ZMYND8: variants seen among roughly 807,000 people sequenced by gnomAD.
ZMYND8 encodes zinc finger MYND-type containing 8, also known as MYND-type zinc finger-containing chromatin reader ZMYND8.
In ZMYND8, 37 loss-of-function variants were observed where a neutral mutation model predicts 140.8. The observed-to-expected ratio is 0.26, with a 90% CI of 0.20 to 0.35. The LOEUF is 0.35. Among genes scored for constraint, ZMYND8 ranks in the 10% least tolerant of loss-of-function variants. The pLI, the probability that ZMYND8 is intolerant of heterozygous loss-of-function variation, is 1.00. For missense variants in ZMYND8, 1,068 were observed against 1,570.0 expected, an observed-to-expected ratio of 0.68 and a Z score of 5.40; for synonymous variants, 592 against 597.1, an observed-to-expected ratio of 0.99 and a Z score of 0.12.
rs781309709 is a variant in ZMYND8, at chr20:47,283,553, A to G, written c.882+18T>C. 9.9e-6 allele frequency: 16 copies of G among 1,613,958 alleles called. No individual in the cohort carries two copies. In the South Asian group the frequency reaches 1.3e-4, roughly 13 times the overall value. ...ACAGGGTTCAGTAAATGAAATAAGC[A>G]AAGTAAATCCAACTTACACAAGGCT... On this transcript the variant is annotated intron_variant, in intron 9 of 22. Transcript: ENST00000471951.
chr20:47,344,450 C>G (rs1396275095), intron 2 of ZMYND8, among the ~76,000 whole-genome samples: 1 of 152,046 alleles, frequency 6.6e-6, no homozygotes, highest in Non-Finnish European at 1.5e-5. Flanking sequence ...TACAAAATAC[C>G]CGACCAGTAT....
chr20:47,324,201 C>CA (rs60339000), intron 2 of ZMYND8, among the ~76,000 whole-genome samples: 18,280 of 66,332 alleles, frequency 0.28, 2,664 homozygotes, highest in African/African-American at 0.46. Flanking sequence ...GACTCTGTCT[C>CA]AAAAAAAAAA....
chr20:47,315,602 T>C (rs1299300943), intron 2 of ZMYND8, among the ~76,000 whole-genome samples: 3 of 152,152 alleles, frequency 2.0e-5, no homozygotes, highest in Admixed American at 2.0e-4. Context: ...ACTGTAGCCG[T>C]GGTACCCAGG....
intron 1 of ZMYND8, chr20:47,348,591 C>T (rs978116896): frequency 1.3e-5 from 2 of 152,438 alleles, no homozygotes; most frequent in East Asian, 3.9e-4. Context: ...TGAGTTGTGA[C>T]TAATTATCCC....
At chr20:47,293,044 C>T (rs755016135) in intron 5 of ZMYND8, among the ~76,000 whole-genome samples, 8 of 143,764 alleles carry the variant, frequency 5.6e-5, no homozygotes, top group Non-Finnish European at 1.2e-4. Flanking sequence ...AACAAAGCAA[C>T]AGTCTGCCTC....
Position 47,313,437 on chromosome 20 carries a change from A to C in ZMYND8, c.86-3233T>G, listed in dbSNP as rs565867786. 2.2e-4 allele frequency among the ~76,000 whole-genome samples: 34 copies of C among 152,024 alleles called. No individual in the cohort carries two copies. In the East Asian group the frequency reaches 6.2e-3, roughly 28 times the overall value. On this transcript the variant is annotated intron_variant, in intron 2 of 22. Coordinates refer to ENST00000471951, the MANE Select transcript of ZMYND8 (RefSeq NM_001281775.3). ...GGAGATCGAGACCATCCTGGCTAAC[A>C]TGGTGAAACCCCGTCTCTACCAAAA...
At position 47,339,506 on chromosome 20, in the gene ZMYND8, T is replaced by C. The variant is rs145181378; in HGVS notation, c.85+8350A>G. Among the ~76,000 whole-genome samples, 881 of 152,228 alleles carry C rather than the reference T, an allele frequency of 5.8e-3. 7 individuals are homozygous for C. Among genetic ancestry groups the C allele is most frequent in the African/African-American group, 0.02 (849 of 41,538 alleles). On this transcript the variant is annotated intron_variant, in intron 2 of 22. Transcript: ENST00000471951. Reference sequence around the variant, plus strand: ...AACCATTCTTTTTTGAGACGGAGTCTCACTCTGTCGCCCAGGCTGGAGTGC... The same window carrying C: ...AACCATTCTTTTTTGAGACGGAGTCCCACTCTGTCGCCCAGGCTGGAGTGC...
intron 12 of ZMYND8, among the ~76,000 whole-genome samples, chr20:47,260,039 G>A (rs1322378064): frequency 6.6e-6 from 1 of 152,066 alleles, no homozygotes; most frequent in Non-Finnish European, 1.5e-5. Flanking sequence ...TAGACCCTTG[G>A]CTTCTCCTGC....
At chr20:47,275,210 G>A (rs2076184457) in intron 11 of ZMYND8, among the ~76,000 whole-genome samples, 1 of 152,124 alleles carries the variant, frequency 6.6e-6, no homozygotes, top group African/African-American at 2.4e-5. Flanking sequence ...TCAGACTTTG[G>A]GCCAGGCCCA....
intron 2 of ZMYND8, among the ~76,000 whole-genome samples, chr20:47,338,295 G>A (rs1043245032): frequency 3.3e-5 from 5 of 152,022 alleles, no homozygotes; most frequent in African/African-American, 1.2e-4. Context: ...TCCCACCAAT[G>A]CAGTGGGAGC....
intron 22 of ZMYND8, among the ~76,000 whole-genome samples, chr20:47,211,656 GACTGGAGAAACCTTC>G (rs1042561306): frequency 3.3e-5 from 5 of 152,210 alleles, no homozygotes; most frequent in African/African-American, 1.2e-4. Context: ...CTAGATGGCT[GACTGGAGAAACCTTC>G]CAGCCAAGCC....
At position 47,291,178 on chromosome 20, in the gene ZMYND8, T is replaced by C. The variant is rs181718309; in HGVS notation, c.660+618A>G. The stretch of plus-strand genomic sequence containing the variant: ...GACTGGATTTATGGTTTGGGAGTTA[T>C]TGGGGAAGACAATATGAAGTAATGT... On this transcript the variant is annotated intron_variant, in intron 6 of 22. Transcript: ENST00000471951. Among the ~76,000 whole-genome samples the C allele has an allele frequency of 6.8e-4, 103 of 152,330 alleles. 2 individuals carry two copies. In the South Asian group the frequency reaches 0.017, roughly 25 times the overall value.
In ZMYND8 at chr20:47,286,232, T is replaced by C. The variant is rs185044500; in HGVS notation, c.804+997A>G. Among the ~76,000 whole-genome samples, 708 of 151,712 alleles carry C rather than the reference T, an allele frequency of 4.7e-3. 4 individuals are homozygous for C. Among genetic ancestry groups the C allele is most frequent in the African/African-American group, 0.016 (656 of 41,316 alleles). On this transcript the variant is annotated intron_variant, in intron 8 of 22. Transcript: ENST00000471951. The stretch of plus-strand genomic sequence containing the variant: ...TCACTCTATCACCCAGTCTGGAGTG[T>C]AGTGGTGCTATCTTGGCTCACTGCA...
intron 11 of ZMYND8, among the ~76,000 whole-genome samples, chr20:47,266,371 C>G (rs1018615696): frequency 6.6e-6 from 1 of 152,134 alleles, no homozygotes; most frequent in Admixed American, 6.5e-5. Context: ...CCTCCACCTC[C>G]CGGGTTCAAG....
intron 2 of ZMYND8, among the ~76,000 whole-genome samples, chr20:47,314,714 G>A (rs563457841): frequency 2.6e-5 from 4 of 152,272 alleles, no homozygotes; most frequent in Admixed American, 6.5e-5. Flanking sequence ...ACACTGGCGA[G>A]CCAGAGCCAA....
intron 18 of ZMYND8, among the ~76,000 whole-genome samples, chr20:47,224,835 G>C (rs1427463906): frequency 6.6e-6 from 1 of 152,122 alleles, no homozygotes; most frequent in African/African-American, 2.4e-5. Flanking sequence ...TACATTCTGG[G>C]AATTCCTCAA....
At chr20:47,340,753 C>T (rs1266992837) in intron 2 of ZMYND8, among the ~76,000 whole-genome samples, 9 of 151,770 alleles carry the variant, frequency 5.9e-5, no homozygotes, top group Non-Finnish European at 1.3e-4. Context: ...AGCCACTGCA[C>T]TCCAGCCTGG....
rs1569134956 is a variant in ZMYND8, at chr20:47,298,984, A to C, written c.235-37T>G. Reference sequence around the variant, plus strand: ...GCAAAAAGACAGGTTTGGTTTCAAAACAAATGTGCATTCTCAAAAGGAATT... The same window carrying C: ...GCAAAAAGACAGGTTTGGTTTCAAACCAAATGTGCATTCTCAAAAGGAATT... On this transcript the variant is annotated intron_variant, in intron 3 of 22. Transcript: ENST00000471951. This position sits in a 1 kb window ranked among gnomAD's most constrained non-coding sequence, Gnocchi z 5.0. The C allele has an allele frequency of 1.9e-6, 3 of 1,588,516 alleles. No individual in the cohort carries two copies. The highest frequency in any genetic ancestry group is 2.6e-6 in the Non-Finnish European group (3 of 1,157,160).
At chr20:47,325,306 C>T (rs756912470) in intron 2 of ZMYND8, among the ~76,000 whole-genome samples, 3 of 152,174 alleles carry the variant, frequency 2.0e-5, no homozygotes, top group Non-Finnish European at 4.4e-5. Flanking sequence ...CTTGTCCATC[C>T]TTCTTTGCTG....
Sources: allele counts gnomAD v4.1 joint callset (sites outside exome capture counted in the v4.1 genomes callset), GRCh38; gene constraint gnomAD v4.1.1; non-coding constraint Gnocchi (gnomAD v3.1); transcripts MANE v1.5; gene names NCBI Gene and HGNC (gene_info 2026-07-23, HGNC 2026-07-21).